Variants in PRKDC observed in about 807,000 individuals in gnomAD.
The protein encoded by PRKDC is protein kinase, DNA-activated, catalytic subunit.
PRKDC carries 82 observed loss-of-function variants against 486.9 expected under a neutral mutation model. The ratio of observed to expected loss-of-function variants is 0.17; its 90% CI spans 0.14 to 0.20. The LOEUF is 0.20. PRKDC is among the 10% of genes least tolerant of loss of function. PRKDC has a pLI of 1.00. For synonymous variants in PRKDC, 1,895 were observed against 1,837.0 expected (o/e 1.03, Z -0.81); for missense variants, 4,504 against 5,038.2 (o/e 0.89, Z 3.21).
At chr8:47,883,084 C>G (rs956341567) in intron 36 of PRKDC, among the ~76,000 whole-genome samples, 2 of 152,238 alleles carry the variant, frequency 1.3e-5, no homozygotes. Flanking sequence ...TGATCACTCT[C>G]TACCCAGCAG....
At chr8:47,833,395 A>C (rs919627863) in intron 59 of PRKDC, among the ~76,000 whole-genome samples, 2 of 151,930 alleles carry the variant, frequency 1.3e-5, no homozygotes, top group Admixed American at 6.6e-5. Context: ...CTCTCTGCAC[A>C]TGTCCTTCCT....
intron 30 of PRKDC, among the ~76,000 whole-genome samples, chr8:47,896,033 T>A (rs1043035171): frequency 4.6e-5 from 7 of 152,116 alleles, no homozygotes; most frequent in African/African-American, 1.7e-4. Context: ...AGCAAGACTC[T>A]GTCTCGGGGG....
At chr8:47,826,588 C>T in intron 63 of PRKDC, 68 bp downstream of exon 63, 1 of 1,453,484 alleles carries the variant, frequency 6.9e-7, no homozygotes. Flanking sequence ...CCAAATGAAG[C>T]CAAGTGTTTT....
intron 66 of PRKDC, 55 bp downstream of exon 66, chr8:47,820,664 A>AAT (rs377392602): frequency 1.6e-4 from 139 of 869,234 alleles, no homozygotes; most frequent in Non-Finnish European, 1.0e-4. Flanking sequence ...TCCACATTAT[A>AAT]ATATATATAT....
intron 62 of PRKDC, 70 bp downstream of exon 62, chr8:47,828,098 G>C (rs764830655): frequency 6.9e-7 from 1 of 1,441,896 alleles, no homozygotes; most frequent in African/African-American, 1.4e-5. Flanking sequence ...GGGAAACATA[G>C]TGATGATGGA....
intron 10 of PRKDC, among the ~76,000 whole-genome samples, chr8:47,941,540 T>C (rs895913387): frequency 6.6e-6 from 1 of 152,172 alleles, no homozygotes; most frequent in Non-Finnish European, 1.5e-5. Context: ...GCTCCACACA[T>C]GGATGCTGGG....
intron 36 of PRKDC, among the ~76,000 whole-genome samples, chr8:47,884,123 A>G (rs897066545): frequency 6.6e-6 from 1 of 152,226 alleles, no homozygotes; most frequent in Non-Finnish European, 1.5e-5. Flanking sequence ...TCTTTTCCTG[A>G]TGGTATCCAC....
chr8:47,788,983 T>A lies in PRKDC; in HGVS notation c.10825A>T (p.Met3609Leu), dbSNP rs746245076. ...TPVNKKNIEK[M>L]YERMYAALGD... ...AAGGCTGCATACATTCTTTCATACA[T>A]TTTTTCAATGTTTTTTTTATTTACA... The change falls in exon 76 of 86, where the codon ATG (methionine) becomes TTG (leucine). Residue 3609 changes from methionine (M) to leucine (L), a missense_variant. Met to Leu is a conservative substitution (Grantham distance 15). Coordinates refer to ENST00000314191, the MANE Select transcript of PRKDC (RefSeq NM_006904.7). 1.9e-6 allele frequency: 3 copies of A among 1,613,496 alleles called. No homozygotes were observed. Among genetic ancestry groups the A allele is most frequent in the Non-Finnish European group, 2.5e-6 (3 of 1,179,672 alleles).
intron 73 of PRKDC, among the ~76,000 whole-genome samples, chr8:47,795,916 CAA>C (rs753353407): frequency 1.5e-4 from 22 of 146,260 alleles, no homozygotes; most frequent in South Asian, 4.4e-4. Context: ...TTTTATGAGA[CAA>C]GAGTCTCACT....
At chr8:47,864,304 C>A (rs1316030028) in intron 41 of PRKDC, among the ~76,000 whole-genome samples, 1 of 152,166 alleles carries the variant, frequency 6.6e-6, no homozygotes, top group Non-Finnish European at 1.5e-5. Context: ...GTGGCCCTGA[C>A]AACACTGTGA....
At chr8:47,926,353 C>A (rs1029060508) in intron 21 of PRKDC, among the ~76,000 whole-genome samples, 1 of 152,166 alleles carries the variant, frequency 6.6e-6, no homozygotes, top group Admixed American at 6.5e-5. Flanking sequence ...AGACACAGTG[C>A]ATGAAATCTG....
At chr8:47,799,667 C>T (rs960452653) in intron 71 of PRKDC, among the ~76,000 whole-genome samples, 9 of 152,082 alleles carry the variant, frequency 5.9e-5, no homozygotes, top group Non-Finnish European at 1.2e-4. Flanking sequence ...CAGTGGAGTG[C>T]GTGGCTGTCG....
chr8:47,827,772 C>T (rs2087769021), intron 62 of PRKDC, among the ~76,000 whole-genome samples: 1 of 152,190 alleles, frequency 6.6e-6, no homozygotes. Context: ...GCCTCTTCAT[C>T]AATGTGGCCC....
Position 47,820,896 on chromosome 8 carries a change from G to C in PRKDC, c.9159C>G (p.Leu3053=), listed in dbSNP as rs1376596357. 1 of 1,608,176 alleles carries C rather than the reference G, an allele frequency of 6.2e-7. No homozygotes were observed. The highest frequency in any genetic ancestry group is 1.7e-5 in the Admixed American group (1 of 59,922). The part of the protein sequence containing the change: ...YMIRSKLKLL[L]QGEADQSLLT... ...GCAGGGACTGGTCAGCCTCTCCCTG[G>C]AGCAGCAGCTTCAGCTTGCTGCGGA... is the stretch of plus-strand genomic sequence containing the variant. Residue 3053 remains leucine (L), a synonymous_variant, in exon 66 of 86, where the codon CTC becomes CTG. Coordinates refer to ENST00000314191, the MANE Select transcript of PRKDC (RefSeq NM_006904.7).
At chr8:47,933,889 A>G (rs2090301150) in intron 15 of PRKDC, 76 bp downstream of exon 15, 6 of 1,392,550 alleles carry the variant, frequency 4.3e-6, no homozygotes, top group East Asian at 2.5e-5. Context: ...TAATTCTGAA[A>G]TAAGTCTTAT....
At chr8:47,872,892 T>C (rs896280971) in intron 40 of PRKDC, among the ~76,000 whole-genome samples, 1 of 151,790 alleles carries the variant, frequency 6.6e-6, no homozygotes, top group Non-Finnish European at 1.5e-5. Context: ...AAACAGAAAA[T>C]CAGTCAACAA....
At chr8:47,828,500 GGGGA>G (rs2087789537) in intron 61 of PRKDC, among the ~76,000 whole-genome samples, 153 bp from the exon 62 acceptor site, 1 of 152,192 alleles carries the variant, frequency 6.6e-6, no homozygotes, top group Admixed American at 6.5e-5. Context: ...GCATTGACAA[GGGGA>G]GCATTTGGAA....
At position 47,897,278 on chromosome 8, in the gene PRKDC, C is replaced by T. The variant is rs977593814; in HGVS notation, c.3481G>A (p.Ala1161Thr). 1.8e-5 allele frequency: 28 copies of T among 1,594,362 alleles called. No homozygotes were observed. The highest frequency in any genetic ancestry group is 2.2e-5 in the Non-Finnish European group (26 of 1,164,960). The part of the protein sequence containing the change: ...RRLPRGFPPS[A>T]SLCLLDLVKW... ...ACCAGATCCAATAAACACAATGATG[C>T]GGAAGGTGGAAATCCTCTGCACAGA... is the stretch of plus-strand genomic sequence containing the variant. Residue 1161 changes from alanine (A) to threonine (T), a missense_variant, in exon 30 of 86, where the codon GCA becomes ACA. Coordinates refer to ENST00000314191, the MANE Select transcript of PRKDC (RefSeq NM_006904.7).
In PRKDC at chr8:47,893,165, C is replaced by A. The variant is rs755695539; in HGVS notation, c.3821G>T (p.Arg1274Ile). 3.7e-6 allele frequency: 6 copies of A among 1,611,982 alleles called. No individual in the cohort carries two copies. The Admixed American group carries it at 1.0e-4, about 27-fold the overall frequency. ...LECYNTFIGERTVGALQVLGT... is the reference protein window; with the variant it reads ...LECYNTFIGEITVGALQVLGT... The stretch of plus-strand genomic sequence containing the variant: ...TAGGACCTGGAGCGCTCCTACAGTT[C>A]TCTCGCCAATGAACGTGTTGTAGCA... The change falls in exon 31 of 86, where the codon AGA (arginine) becomes ATA (isoleucine). Residue 1274 changes from arginine to isoleucine, a missense_variant. Physicochemically the swap from Arg to Ile is moderately conservative, Grantham distance 97. Around this residue, in one of 6 missense-constraint regions of PRKDC, gnomAD observed 1,969 missense variants for 2,068.9 expected, o/e 0.95. Transcript: ENST00000314191.
Sources: allele counts gnomAD v4.1 joint callset (sites outside exome capture counted in the v4.1 genomes callset), GRCh38; gene constraint gnomAD v4.1.1; regional missense constraint gnomAD v4.1.1; transcripts MANE v1.5; gene names NCBI Gene and HGNC (gene_info 2026-07-23, HGNC 2026-07-21).